The following PDE7A variants were observed in gnomAD, a reference collection of about 807,000 sequenced individuals.
PDE7A encodes high affinity 3',5'-cyclic-AMP phosphodiesterase 7A.
In PDE7A, 39 loss-of-function variants were observed where a neutral mutation model predicts 64.3. That is an observed-to-expected ratio of 0.61 (90% confidence interval 0.47 to 0.79). PDE7A has a LOEUF of 0.79. PDE7A is among the 30% of genes least tolerant of loss of function. The pLI is 0.00. For synonymous variants in PDE7A, 203 were observed against 206.8 expected, an observed-to-expected ratio of 0.98 and a Z score of 0.16; for missense variants, 470 against 582.8, an observed-to-expected ratio of 0.81 and a Z score of 1.99.
intron 7 of PDE7A, among the ~76,000 whole-genome samples, chr8:65,730,168 C>CTTTTTTTTTTTTTTTT (rs1563473710): frequency 6.3e-5 from 2 of 31,670 alleles, no homozygotes. Context: ...AGGTTGCGCA[C>CTTTTTTTTTTTTTTTT]TTCTTTTTTT....
intron 7 of PDE7A, among the ~76,000 whole-genome samples, chr8:65,731,996 T>C: frequency 6.6e-6 from 1 of 151,838 alleles, no homozygotes; most frequent in African/African-American, 2.4e-5. Flanking sequence ...ATTGTTGTTG[T>C]TGTTGTTGTT....
intron 3 of PDE7A, among the ~76,000 whole-genome samples, chr8:65,775,331 T>C (rs1585908121): frequency 6.6e-6 from 1 of 152,366 alleles, no homozygotes; most frequent in East Asian, 1.9e-4. Flanking sequence ...ATTTTGATAT[T>C]ATTTTTCTAA....
chr8:65,727,310 T>C lies in PDE7A; in HGVS notation c.697-9A>G. On this transcript the variant is annotated splice_polypyrimidine_tract_variant and intron_variant, in intron 7 of 12. Transcript: ENST00000401827. ...GTTACAGAATTGGCAAGCTGAAGTGTGACAAAAGAATAATGAATCACAGAT... is the reference window on the plus strand; with the variant it reads ...GTTACAGAATTGGCAAGCTGAAGTGCGACAAAAGAATAATGAATCACAGAT... 2 of 1,612,080 alleles carry C rather than the reference T, an allele frequency of 1.2e-6. No homozygotes were observed. Among genetic ancestry groups the C allele is most frequent in the East Asian group, 2.2e-5 (1 of 44,844 alleles).
intron 4 of PDE7A, among the ~76,000 whole-genome samples, chr8:65,745,870 G>A (rs1807649002): frequency 6.6e-6 from 1 of 151,852 alleles, no homozygotes; most frequent in African/African-American, 2.4e-5. Flanking sequence ...CTGTATTCCA[G>A]GTACTGTTAT....
At chr8:65,735,767 A>C (rs935051211) in intron 6 of PDE7A, among the ~76,000 whole-genome samples, 1 of 152,106 alleles carries the variant, frequency 6.6e-6, no homozygotes, top group African/African-American at 2.4e-5. Flanking sequence ...CTGGGATTAC[A>C]GGCACCTGCC....
At chr8:65,828,558 A>C (rs1330286233) in intron 1 of PDE7A, among the ~76,000 whole-genome samples, 1 of 152,152 alleles carries the variant, frequency 6.6e-6, no homozygotes, top group African/African-American at 2.4e-5. Flanking sequence ...AAAAACCTGT[A>C]TACATATATC....
chr8:65,817,578 T>C (rs1388967549), intron 1 of PDE7A, among the ~76,000 whole-genome samples: 1 of 152,166 alleles, frequency 6.6e-6, no homozygotes, highest in African/African-American at 2.4e-5. Flanking sequence ...CAGTTTTTCC[T>C]TGTGTTCCAT....
At chr8:65,834,651 A>C (rs562996096) in intron 1 of PDE7A, among the ~76,000 whole-genome samples, 1 of 152,272 alleles carries the variant, frequency 6.6e-6, no homozygotes, top group East Asian at 1.9e-4. Flanking sequence ...TTAACAACTA[A>C]TTTTCTCCCC....
intron 3 of PDE7A, among the ~76,000 whole-genome samples, chr8:65,763,514 G>A (rs1236206775): frequency 2.6e-5 from 4 of 151,976 alleles, no homozygotes; most frequent in African/African-American, 7.3e-5. Flanking sequence ...GAGGTGAGCC[G>A]AGATCATGCC....
intron 3 of PDE7A, among the ~76,000 whole-genome samples, chr8:65,766,275 T>C (rs1052116090): frequency 1.3e-5 from 2 of 152,350 alleles, no homozygotes; most frequent in East Asian, 1.9e-4. Context: ...AAAATCAATA[T>C]GGAATTTATT....
At chr8:65,798,756 A>C (rs1325092652) in intron 1 of PDE7A, among the ~76,000 whole-genome samples, 2 of 152,240 alleles carry the variant, frequency 1.3e-5, no homozygotes, top group Non-Finnish European at 2.9e-5. Flanking sequence ...TAGAACGCTC[A>C]TGCTAATTAA....
At chr8:65,739,825 A>T (rs1252766075) in intron 5 of PDE7A, among the ~76,000 whole-genome samples, 1 of 152,224 alleles carries the variant, frequency 6.6e-6, no homozygotes, top group African/African-American at 2.4e-5. Flanking sequence ...ACAACCAAAG[A>T]ACTGAAAACT....
At chr8:65,838,939 C>T (rs948734078) in intron 1 of PDE7A, among the ~76,000 whole-genome samples, 15 of 152,260 alleles carry the variant, frequency 9.9e-5, no homozygotes, top group Non-Finnish European at 1.3e-4. Flanking sequence ...TCTGTGTATT[C>T]CTGGAATCGT....
At chr8:65,733,465 TA>T (rs1450718458) in intron 7 of PDE7A, among the ~76,000 whole-genome samples, 3 of 152,074 alleles carry the variant, frequency 2.0e-5, no homozygotes, top group Non-Finnish European at 2.9e-5. Flanking sequence ...AAGTTTAATT[TA>T]AAAATTGGGG....
intron 3 of PDE7A, among the ~76,000 whole-genome samples, chr8:65,753,585 G>A (rs1808075471): frequency 6.8e-6 from 1 of 147,070 alleles, no homozygotes; most frequent in African/African-American, 2.5e-5. Flanking sequence ...TCTATTCAAT[G>A]TGCACTCGAG....
chr8:65,739,572 A>G lies in PDE7A; in HGVS notation c.525T>C (p.Phe175=). ...TTAATCCATGAAGACTAAATAAATG[A>G]AAGGTTAAGCTTACTAGACTATTTC... ...TNGNSLVSLT[F]HLFSLHGLIE... Residue 175 remains phenylalanine, a synonymous_variant, in exon 6 of 13, where the codon TTT becomes TTC. Coordinates refer to ENST00000401827, the MANE Select transcript of PDE7A (RefSeq NM_001242318.3). 6.4e-7 allele frequency: 1 copy of G among 1,557,468 alleles called. No homozygotes were observed. Among genetic ancestry groups the G allele is most frequent in the Non-Finnish European group, 8.6e-7 (1 of 1,157,418 alleles).
intron 1 of PDE7A, among the ~76,000 whole-genome samples, chr8:65,834,949 G>T (rs1044362509): frequency 3.9e-5 from 6 of 152,050 alleles, no homozygotes; most frequent in African/African-American, 1.2e-4. Flanking sequence ...CTGATCCTAT[G>T]AACACTACCT....
chr8:65,756,332 A>G (rs1249762297), intron 3 of PDE7A, among the ~76,000 whole-genome samples: 2 of 152,082 alleles, frequency 1.3e-5, no homozygotes, highest in East Asian at 1.9e-4. Flanking sequence ...ATTTTTTCAA[A>G]TATTTTTTTC....
intron 7 of PDE7A, among the ~76,000 whole-genome samples, chr8:65,728,885 A>G (rs1004121070): frequency 1.3e-5 from 2 of 152,256 alleles, no homozygotes; most frequent in Non-Finnish European, 2.9e-5. Flanking sequence ...ACCATTAAAA[A>G]TAGGAACATG....
Sources: allele counts gnomAD v4.1 joint callset (sites outside exome capture counted in the v4.1 genomes callset), GRCh38; gene constraint gnomAD v4.1.1; transcripts MANE v1.5; gene names NCBI Gene and HGNC (gene_info 2026-07-23, HGNC 2026-07-21).